TLK1: variants seen among roughly 807,000 people sequenced by gnomAD.
The protein encoded by TLK1 is serine/threonine-protein kinase tousled-like 1.
TLK1 carries 24 observed loss-of-function variants against 105.3 expected under a neutral mutation model. The observed-to-expected ratio is 0.23, with a 90% CI of 0.17 to 0.32. The LOEUF is 0.32. Ranked by LOEUF, TLK1 falls within the 10% of genes least tolerant of loss-of-function variation. TLK1 has a pLI of 1.00. For synonymous variants in TLK1, 321 were observed against 310.4 expected (o/e 1.03, Z -0.36); for missense variants, 558 against 910.5 (o/e 0.61, Z 4.98).
chr2:171,146,493 A>G (rs1389003317), intron 1 of TLK1, among the ~76,000 whole-genome samples: 1 of 152,250 alleles, frequency 6.6e-6, no homozygotes, highest in African/African-American at 2.4e-5. Flanking sequence ...ACTTTATACA[A>G]TGGAAAATAT....
intron 4 of TLK1, among the ~76,000 whole-genome samples, chr2:171,059,292 A>G (rs1687638012): frequency 6.6e-6 from 1 of 152,222 alleles, no homozygotes. Context: ...CTACTCCAGA[A>G]GCTATTTCCC....
chr2:171,136,363 G>A lies in TLK1; in HGVS notation c.140-18506C>T, dbSNP rs564995403. On this transcript the variant is annotated intron_variant, in intron 1 of 20. Transcript: ENST00000431350. ...TTTAATGGGTGTAAAGTTACAGTTT[G>A]ACAAAACGAAAACATTCTGGAGATT... 5.9e-5 allele frequency among the ~76,000 whole-genome samples: 9 copies of A among 152,298 alleles called. No individual in the cohort carries two copies. The South Asian group carries it at 1.4e-3, about 25-fold the overall frequency.
intron 10 of TLK1, among the ~76,000 whole-genome samples, chr2:171,048,135 G>C (rs1309442828): frequency 6.6e-6 from 1 of 152,132 alleles, no homozygotes; most frequent in African/African-American, 2.4e-5. Context: ...TTTCAGTAGA[G>C]ACAGGGTTTC....
At chr2:171,173,574 C>CAG (rs912462587) in intron 1 of TLK1, among the ~76,000 whole-genome samples, 14 of 151,524 alleles carry the variant, frequency 9.2e-5, no homozygotes, top group African/African-American at 3.4e-4. Context: ...CTTTTTTTGG[C>CAG]AGAGGCAGGG....
intron 1 of TLK1, among the ~76,000 whole-genome samples, chr2:171,227,595 T>TTTTG: frequency 7.8e-6 from 1 of 128,052 alleles, no homozygotes; most frequent in African/African-American, 3.0e-5. Flanking sequence ...TTTTTTTTTT[T>TTTTG]TTTGTTTAAG....
At chr2:171,035,341 CA>C (rs60204275) in intron 11 of TLK1, among the ~76,000 whole-genome samples, 8,278 of 148,096 alleles carry the variant, frequency 0.056, 707 homozygotes, top group African/African-American at 0.18. Context: ...AACTCCGTCT[CA>C]AAAAAAAAAA....
At chr2:171,105,864 C>G (rs939774091) in intron 2 of TLK1, among the ~76,000 whole-genome samples, 1 of 151,966 alleles carries the variant, frequency 6.6e-6, no homozygotes, top group Non-Finnish European at 1.5e-5. Flanking sequence ...TGGGTATACA[C>G]AAAGGAAAGG....
intron 3 of TLK1, among the ~76,000 whole-genome samples, chr2:171,063,077 G>A (rs1012334226): frequency 1.3e-5 from 2 of 152,178 alleles, no homozygotes; most frequent in Non-Finnish European, 2.9e-5. Flanking sequence ...CGGGTGCAGT[G>A]ACTCATGCCT....
intron 11 of TLK1, among the ~76,000 whole-genome samples, chr2:171,034,876 A>T (rs961902512): frequency 1.3e-5 from 2 of 152,116 alleles, no homozygotes; most frequent in African/African-American, 4.8e-5. Context: ...TATACTTAGT[A>T]TAAGTATAAT....
chr2:171,066,145 T>C (rs1213469725), intron 3 of TLK1, among the ~76,000 whole-genome samples: 3 of 152,206 alleles, frequency 2.0e-5, no homozygotes, highest in African/African-American at 7.2e-5. Context: ...TATTGATAAC[T>C]ATTATCTGTA....
In TLK1 at chr2:171,160,764, T is replaced by G; in HGVS notation, c.-336A>C. The G allele has an allele frequency of 2.3e-6, 1 of 425,840 alleles. No individual in the cohort carries two copies. Among genetic ancestry groups the G allele is most frequent in the African/African-American group, 2.2e-5 (1 of 45,058 alleles). 26.4% of individuals were successfully genotyped at this position (425,840 alleles called of 1,614,324 possible). A position where few individuals can be genotyped will look rare whatever the true frequency, so the allele number is the denominator to read the frequency against. ...GTCGGAGCGCGGGCGGAGCGCGGGC[T>G]GCGCCGGCCGAGGACACTTCCGCGG... On this transcript the variant is annotated 5_prime_UTR_variant, in exon 1 of 21. Coordinates refer to ENST00000431350, the MANE Select transcript of TLK1 (RefSeq NM_012290.5). The surrounding 1 kb of genome is among the most constrained non-coding windows in gnomAD (Gnocchi z 4.4).
At chr2:171,131,216 C>T (rs913069979) in intron 1 of TLK1, among the ~76,000 whole-genome samples, 3 of 152,060 alleles carry the variant, frequency 2.0e-5, no homozygotes, top group Admixed American at 2.0e-4. Flanking sequence ...CTATTTTTAA[C>T]AGGTTAAATC....
intron 2 of TLK1, among the ~76,000 whole-genome samples, chr2:171,116,678 C>T (rs1376696367): frequency 6.3e-5 from 9 of 143,480 alleles, no homozygotes; most frequent in Non-Finnish European, 1.4e-4. Context: ...CCAGCCTGGG[C>T]GACAAAGTGA....
At chr2:171,137,847 T>C (rs1691394368) in intron 1 of TLK1, among the ~76,000 whole-genome samples, 1 of 148,888 alleles carries the variant, frequency 6.7e-6, no homozygotes, top group Non-Finnish European at 1.5e-5. Context: ...AGACTCTGTC[T>C]CAAAAAAAAA....
chr2:171,160,366 C>A lies in TLK1; in HGVS notation c.63G>T (p.Thr21=). The A allele has an allele frequency of 6.2e-7, 1 of 1,605,610 alleles. No individual in the cohort carries two copies. The highest frequency in any genetic ancestry group is 8.5e-7 in the Non-Finnish European group (1 of 1,176,596). The stretch of plus-strand genomic sequence containing the variant: ...CCGCCGCCGAGCCCGGGGTTGGAGA[C>A]GTGGAGAGCTGGGACCAAGATGGCG... ...EGPPSWSQLS[T]SPTPGSAAAA... is the part of the protein sequence containing the mutation. Residue 21 remains threonine, a synonymous_variant, in exon 1 of 21, where the codon ACG becomes ACT. Coordinates refer to ENST00000431350, the MANE Select transcript of TLK1 (RefSeq NM_012290.5). The surrounding 1 kb of genome is among the most constrained non-coding windows in gnomAD (Gnocchi z 4.4).
intron 1 of TLK1, chr2:171,154,058 C>T (rs1692142629): frequency 6.9e-6 from 1 of 145,070 alleles, no homozygotes; most frequent in Non-Finnish European, 1.5e-5. Flanking sequence ...ACATATGCCA[C>T]CATACCCAGC....
At position 171,006,830 on chromosome 2, in the gene TLK1, A is replaced by G. The variant is rs779481738; in HGVS notation, c.1568T>C (p.Leu523Pro). ...TGTATCCAAGGAGAAATAATCATAG[A>G]GTTTAACTATTCTGGGGTGATCCAG... ...KELDHPRIVK[L>P]YDYFSLDTDT... The change falls in exon 16 of 21, where the codon CTC becomes CCC. Residue 523 changes from leucine (L) to proline (P), a missense_variant. This residue lies in a region of TLK1 where 218 missense variants were observed against 492.9 expected (regional missense o/e 0.44). Transcript: ENST00000431350. 6 of 1,613,166 alleles carry G rather than the reference A, an allele frequency of 3.7e-6. No individual in the cohort carries two copies. Among genetic ancestry groups the G allele is most frequent in the Non-Finnish European group, 5.1e-6 (6 of 1,179,446 alleles).
chr2:171,108,065 A>AC (rs1485912458), intron 2 of TLK1, among the ~76,000 whole-genome samples: 3 of 136,988 alleles, frequency 2.2e-5, no homozygotes, highest in East Asian at 3.9e-4. Flanking sequence ...CTCAAAAAAA[A>AC]AACAACAACA....
At chr2:171,089,012 G>A (rs1170895294) in intron 2 of TLK1, among the ~76,000 whole-genome samples, 1 of 152,198 alleles carries the variant, frequency 6.6e-6, no homozygotes, top group Non-Finnish European at 1.5e-5. Flanking sequence ...CTTCTGAGTA[G>A]CTGGGATTAC....
Sources: allele counts gnomAD v4.1 joint callset (sites outside exome capture counted in the v4.1 genomes callset), GRCh38; gene constraint gnomAD v4.1.1; regional missense constraint gnomAD v4.1.1; non-coding constraint Gnocchi (gnomAD v3.1); transcripts MANE v1.5; gene names NCBI Gene and HGNC (gene_info 2026-07-23, HGNC 2026-07-21).